The following CCSER1 variants were observed in gnomAD, a reference collection of about 807,000 sequenced individuals.
The protein encoded by CCSER1 is serine-rich coiled-coil domain-containing protein 1.
Under a neutral mutation model 82.0 loss-of-function variants are expected in CCSER1, and 41 were observed. That is an observed-to-expected ratio of 0.50 (90% CI 0.39 to 0.65). The LOEUF is 0.65. CCSER1 is among the 30% of genes least tolerant of loss of function. The pLI, the probability that CCSER1 is intolerant of heterozygous loss-of-function variation, is 0.00. For synonymous variants in CCSER1, 414 were observed against 383.9 expected (o/e 1.08, Z -0.92); for missense variants, 1,119 against 1,064.2 (o/e 1.05, Z -0.72).
chr4:90,923,505 C>A, intron 9 of CCSER1, 58 bp downstream of exon 9: 2 of 1,128,182 alleles, frequency 1.8e-6, no homozygotes, highest in Non-Finnish European at 2.6e-6. Context: ...ACCTCCACAG[C>A]TTATTGACCT....
At chr4:91,268,693 T>G (rs555368296) in intron 10 of CCSER1, among the ~76,000 whole-genome samples, 10 of 151,836 alleles carry the variant, frequency 6.6e-5, no homozygotes, top group African/African-American at 9.7e-5. Context: ...AGGATTTGGG[T>G]GGGTAGTGGA....
intron 5 of CCSER1, among the ~76,000 whole-genome samples, chr4:90,587,239 C>A (rs1782125667): frequency 6.6e-6 from 1 of 152,156 alleles, no homozygotes; most frequent in Non-Finnish European, 1.5e-5. Context: ...TTCTGCTCTA[C>A]AGAACTGTAA....
rs148431284 is a variant in CCSER1 at position 91,171,075 on chromosome 4, G to T, written c.2217+85081G>T. On this transcript the variant is annotated intron_variant, in intron 10 of 10. Coordinates refer to ENST00000509176, the MANE Select transcript of CCSER1 (RefSeq NM_001145065.2). ...GGATATCAAATCTATTTATGTCTAG[G>T]ACAAACTTTTTTTTTCCAAAATAGA... is the stretch of plus-strand genomic sequence containing the variant. Among the ~76,000 whole-genome samples, 409 of 152,108 alleles carry T rather than the reference G, an allele frequency of 2.7e-3. 3 individuals carry two copies. The highest frequency in any genetic ancestry group is 9.2e-3 in the African/African-American group (383 of 41,492).
At chr4:90,303,897 A>T (rs1490123184) in intron 1 of CCSER1, among the ~76,000 whole-genome samples, 2 of 151,758 alleles carry the variant, frequency 1.3e-5, no homozygotes, top group African/African-American at 4.8e-5. Flanking sequence ...TTCGCAACCT[A>T]CTCATCTGAC....
chr4:90,782,972 C>G (rs898386556), intron 7 of CCSER1, among the ~76,000 whole-genome samples: 1 of 151,984 alleles, frequency 6.6e-6, no homozygotes, highest in South Asian at 2.1e-4. Flanking sequence ...CTCGCTCTGC[C>G]GCGCAGGCTG....
chr4:91,516,799 A>G (rs77879500), intron 10 of CCSER1, among the ~76,000 whole-genome samples: 5,326 of 152,232 alleles, frequency 0.035, 194 homozygotes, highest in South Asian at 0.16. Flanking sequence ...GGGGAGAAGT[A>G]TGGCCATTTT....
At chr4:90,179,370 T>C (rs1466089965) in intron 1 of CCSER1, among the ~76,000 whole-genome samples, 1 of 152,182 alleles carries the variant, frequency 6.6e-6, no homozygotes, top group Non-Finnish European at 1.5e-5. Flanking sequence ...ATGTGCAAGA[T>C]ATTTTCCGAA....
chr4:90,551,678 T>TCTC (rs1777494183), intron 5 of CCSER1, among the ~76,000 whole-genome samples: 1 of 88,570 alleles, frequency 1.1e-5, no homozygotes. Flanking sequence ...AAAAATATAA[T>TCTC]TCTCTCTCTC....
At chr4:90,483,704 A>T (rs1766481212) in intron 5 of CCSER1, among the ~76,000 whole-genome samples, 2 of 151,950 alleles carry the variant, frequency 1.3e-5, no homozygotes, top group Admixed American at 1.3e-4. Context: ...ATTGGCCCCC[A>T]CTCTCTTCTG....
intron 1 of CCSER1, among the ~76,000 whole-genome samples, chr4:90,274,644 T>G (rs1727207603): frequency 6.6e-6 from 1 of 152,140 alleles, no homozygotes; most frequent in African/African-American, 2.4e-5. Flanking sequence ...CCAAAGTATA[T>G]TTTTTATACC....
At chr4:90,497,528 A>G (rs1460368141) in intron 5 of CCSER1, among the ~76,000 whole-genome samples, 2 of 152,212 alleles carry the variant, frequency 1.3e-5, no homozygotes, top group Non-Finnish European at 2.9e-5. Context: ...TTTATAGTAC[A>G]TCTTAAACAA....
intron 10 of CCSER1, among the ~76,000 whole-genome samples, chr4:91,279,921 A>T (rs1468085008): frequency 6.6e-6 from 1 of 151,994 alleles, no homozygotes; most frequent in East Asian, 1.9e-4. Context: ...TTTCCTGAAG[A>T]TGTATCTGTG....
intron 10 of CCSER1, among the ~76,000 whole-genome samples, chr4:91,167,739 C>T (rs1732248671): frequency 6.6e-6 from 1 of 152,208 alleles, no homozygotes; most frequent in Non-Finnish European, 1.5e-5. Context: ...ATTTACACAG[C>T]TGATTTACAG....
chr4:91,165,434 G>A (rs1384576818), intron 10 of CCSER1, among the ~76,000 whole-genome samples: 1 of 152,178 alleles, frequency 6.6e-6, no homozygotes, highest in Non-Finnish European at 1.5e-5. Context: ...CTCAAACACT[G>A]AGCTGGGTGA....
intron 10 of CCSER1, among the ~76,000 whole-genome samples, chr4:91,207,183 AGAAG>A: frequency 6.6e-6 from 1 of 151,822 alleles, no homozygotes; most frequent in South Asian, 2.1e-4. Flanking sequence ...TAATTATGAG[AGAAG>A]GAACAATTAA....
At chr4:91,325,301 A>C in intron 10 of CCSER1, 1 of 380,156 alleles carries the variant, frequency 2.6e-6, no homozygotes, top group Non-Finnish European at 5.1e-6. Context: ...TTTTTTCCCA[A>C]AGAAGCTTTA....
intron 10 of CCSER1, among the ~76,000 whole-genome samples, chr4:91,409,061 A>G (rs1482681718): frequency 6.6e-6 from 1 of 152,154 alleles, no homozygotes; most frequent in Non-Finnish European, 1.5e-5. Context: ...AACACCTGAA[A>G]CTTAGACAAA....
rs144008018 is a variant in CCSER1, at chr4:90,920,689, G to A, written c.2095-2681G>A. On this transcript the variant is annotated intron_variant, in intron 8 of 10. Transcript: ENST00000509176. ...CACACACACCTCGGGCTCTCTCCGT[G>A]GTAACTGTATTTTACCTATAGAATG... Among the ~76,000 whole-genome samples, 1,179 of 151,644 alleles carry A rather than the reference G, an allele frequency of 7.8e-3. 11 individuals are homozygous for A. Among genetic ancestry groups the A allele is most frequent in the African/African-American group, 0.028 (1,146 of 41,446 alleles).
At chr4:91,447,067 C>T (rs1755611592) in intron 10 of CCSER1, among the ~76,000 whole-genome samples, 1 of 152,016 alleles carries the variant, frequency 6.6e-6, no homozygotes, top group Admixed American at 6.6e-5. Flanking sequence ...CATGTGGCAT[C>T]AGGGGCTTTC....
Sources: gnomAD v4.1 joint callset for allele counts (sites outside exome capture counted in the v4.1 genomes callset) on GRCh38, gnomAD v4.1.1 for gene constraint, MANE v1.5 for transcripts, NCBI Gene and HGNC (gene_info 2026-07-23, HGNC 2026-07-21) for gene names.